NRAP: variants seen among roughly 807,000 people sequenced by gnomAD.
NRAP encodes the protein nebulin-related-anchoring protein.
Under a neutral mutation model 225.9 loss-of-function variants are expected in NRAP, and 189 were observed. That is an observed-to-expected ratio of 0.84 (90% CI 0.74 to 0.94). NRAP has a LOEUF of 0.94. NRAP is among the 40% of genes least tolerant of loss of function. The probability of loss-of-function intolerance (pLI) is 0.00; values close to 1 mark genes in which losing one functional copy is unlikely to be tolerated. For synonymous variants in NRAP, 769 were observed against 790.7 expected, an observed-to-expected ratio of 0.97 and a Z score of 0.46; for missense variants, 2,176 against 2,168.7, an observed-to-expected ratio of 1.00 and a Z score of -0.07.
intron 4 of NRAP, among the ~76,000 whole-genome samples, chr10:113,656,036 C>T (rs930984917): frequency 2.2e-5 from 3 of 134,798 alleles, no homozygotes; most frequent in Non-Finnish European, 4.7e-5. Context: ...AGGGGGAGGT[C>T]GAACATGTCT....
chr10:113,597,609 G>T (rs1846357680), intron 36 of NRAP, among the ~76,000 whole-genome samples: 1 of 152,312 alleles, frequency 6.6e-6, no homozygotes, highest in Non-Finnish European at 1.5e-5. Context: ...AACTATTCCT[G>T]TGCAAATTTT....
At position 113,604,466 on chromosome 10, in the gene NRAP, T is replaced by C. The variant is rs552770151; in HGVS notation, c.4227+143A>G. On this transcript the variant is annotated intron_variant, in intron 35 of 41. Coordinates refer to ENST00000359988, the MANE Select transcript of NRAP (RefSeq NM_198060.4). ...ATGAATGATTCCAACCTAAATGACA[T>C]AGACCCAGCAAATCATTGTTTGGGG... 2.0e-4 allele frequency: 136 copies of C among 664,130 alleles called. No individual in the cohort carries two copies. In the African/African-American group the frequency reaches 2.2e-3, roughly 11 times the overall value. 41.1% of individuals were successfully genotyped at this position (664,130 alleles called of 1,614,324 possible).
intron 3 of NRAP, among the ~76,000 whole-genome samples, chr10:113,659,833 C>T (rs72835666): frequency 0.11 from 16,745 of 152,138 alleles, 1,067 homozygotes; most frequent in Non-Finnish European, 0.15. Flanking sequence ...CCTTCATCAC[C>T]ATCACTGAAA....
At chr10:113,597,924 G>T in intron 36 of NRAP, 45 bp downstream of exon 36, 1 of 1,324,814 alleles carries the variant, frequency 7.5e-7, no homozygotes, top group Non-Finnish European at 1.1e-6. Context: ...AAAAGGAAAT[G>T]CTAGCTTGCC....
intron 37 of NRAP, among the ~76,000 whole-genome samples, chr10:113,596,317 G>C (rs1846283644): frequency 6.6e-6 from 1 of 152,186 alleles, no homozygotes; most frequent in Non-Finnish European, 1.5e-5. Context: ...ATTTTAGGAA[G>C]TGTTTGAGTC....
chr10:113,615,690 G>T, intron 27 of NRAP, 22 bp downstream of exon 27: 1 of 1,374,884 alleles, frequency 7.3e-7, no homozygotes, highest in Non-Finnish European at 1.0e-6. Context: ...ATTAAAACTC[G>T]TGCCCCTTGG....
chr10:113,652,230 G>T (rs1850021204), intron 6 of NRAP, among the ~76,000 whole-genome samples: 1 of 152,146 alleles, frequency 6.6e-6, no homozygotes, highest in South Asian at 2.1e-4. Context: ...TTTGTCCATG[G>T]TCACATAGCA....
At chr10:113,606,110 G>A in intron 33 of NRAP, 68 bp downstream of exon 33, 1 of 1,171,896 alleles carries the variant, frequency 8.5e-7, no homozygotes, top group Non-Finnish European at 1.3e-6. Context: ...TCAGTGTTGG[G>A]TTACTTCACA....
chr10:113,607,092 T>A (rs375321678), intron 32 of NRAP, among the ~76,000 whole-genome samples: 1 of 151,890 alleles, frequency 6.6e-6, no homozygotes, highest in East Asian at 1.9e-4. Flanking sequence ...TCCCAGCTAC[T>A]TGGGAGTCCG....
rs73357506 is a variant in NRAP at position 113,663,793 on chromosome 10, C to T, written c.72+18G>A. On this transcript the variant is annotated intron_variant, in intron 1 of 41. Coordinates refer to ENST00000359988, the MANE Select transcript of NRAP (RefSeq NM_198060.4). ...TGTGTTTGTTATTATTCACAAAAGC[C>T]AAGAAATGTCTACTGACCTGATCTA... is the stretch of plus-strand genomic sequence containing the variant. 2,131 of 1,595,330 alleles carry T rather than the reference C, an allele frequency of 1.3e-3. 23 individuals carry two copies. In the African/African-American group the frequency reaches 0.024, roughly 18 times the overall value.
intron 32 of NRAP, among the ~76,000 whole-genome samples, chr10:113,607,333 C>T (rs1175031950): frequency 1.5e-5 from 2 of 132,390 alleles, no homozygotes; most frequent in East Asian, 2.5e-4. Flanking sequence ...ACCTGGAAGG[C>T]GGAGGTTCCA....
At chr10:113,633,262 C>A (rs1221647303) in intron 15 of NRAP, 74 bp from the exon 16 acceptor site, 2 of 805,996 alleles carry the variant, frequency 2.5e-6, no homozygotes, top group Non-Finnish European at 4.3e-6. Flanking sequence ...ATAGCTCTTT[C>A]CCCCTTAGAC....
At chr10:113,605,010 T>C (rs553505869) in intron 34 of NRAP, 90 bp from the exon 35 acceptor site, 2 of 1,451,530 alleles carry the variant, frequency 1.4e-6, no homozygotes, top group Admixed American at 2.2e-5. Context: ...TAGGAGGTGA[T>C]GATTATAAGA....
chr10:113,662,237 G>A (rs3121491), intron 3 of NRAP, among the ~76,000 whole-genome samples: 92,661 of 151,976 alleles, frequency 0.61, 28,530 homozygotes, highest in African/African-American at 0.7. Context: ...TTGTTAATCG[G>A]TATATAATAT....
chr10:113,657,845 C>T (rs1261355674), intron 3 of NRAP, among the ~76,000 whole-genome samples: 3 of 152,164 alleles, frequency 2.0e-5, no homozygotes, highest in African/African-American at 7.2e-5. Context: ...ACCTACCACA[C>T]AATACAAATT....
At chr10:113,626,918 C>T (rs1848321061) in intron 20 of NRAP, among the ~76,000 whole-genome samples, 1 of 152,212 alleles carries the variant, frequency 6.6e-6, no homozygotes, top group Non-Finnish European at 1.5e-5. Flanking sequence ...TGAAGATTAG[C>T]TCCTCTGGCT....
intron 22 of NRAP, among the ~76,000 whole-genome samples, chr10:113,624,076 C>T (rs547034670): frequency 1.6e-4 from 24 of 152,154 alleles, no homozygotes; most frequent in Non-Finnish European, 3.1e-4. Flanking sequence ...CTTTTCCTTG[C>T]GCCTCCTGTT....
chr10:113,594,906 C>A (rs1846203128), intron 38 of NRAP, among the ~76,000 whole-genome samples: 1 of 152,192 alleles, frequency 6.6e-6, no homozygotes, highest in Admixed American at 6.5e-5. Context: ...CTACGCTGCC[C>A]CAGGCCAACA....
At chr10:113,594,814 G>A (rs1051968762) in intron 38 of NRAP, among the ~76,000 whole-genome samples, 1 of 152,238 alleles carries the variant, frequency 6.6e-6, no homozygotes, top group African/African-American at 2.4e-5. Flanking sequence ...TGGGGTGAAC[G>A]GTAGCAGCTG....
Sources: gnomAD v4.1 joint callset for allele counts (sites outside exome capture counted in the v4.1 genomes callset) on GRCh38, gnomAD v4.1.1 for gene constraint, MANE v1.5 for transcripts, NCBI Gene and HGNC (gene_info 2026-07-23, HGNC 2026-07-21) for gene names.